Variants in MPND observed in about 807,000 individuals in gnomAD.
MPND encodes MPN domain containing, also known as MPN domain-containing protein.
A neutral mutation model predicts 59.2 loss-of-function variants in MPND; 56 were observed. That is an observed-to-expected ratio of 0.95 (90% CI 0.76 to 1.18). MPND has a LOEUF of 1.18. Ranked by LOEUF, MPND falls within the 50% of genes most tolerant of loss-of-function variation. The pLI is 0.00. For synonymous variants in MPND, 323 were observed against 291.9 expected, an observed-to-expected ratio of 1.11 and a Z score of -1.09; for missense variants, 671 against 676.0, an observed-to-expected ratio of 0.99 and a Z score of 0.08.
chr19:4,353,578 T>C (rs1972368603), intron 4 of MPND, among the ~76,000 whole-genome samples: 1 of 138,430 alleles, frequency 7.2e-6, no homozygotes, highest in Non-Finnish European at 1.6e-5. Flanking sequence ...TTTTGTTTTT[T>C]TGAGACAGGG....
At chr19:4,356,592 A>G (rs1972442759) in intron 8 of MPND, 1 of 151,960 alleles carries the variant, frequency 6.6e-6, no homozygotes, top group Non-Finnish European at 1.5e-5. Flanking sequence ...GCTCAGTGCC[A>G]GGCCTCATCT....
chr19:4,347,782 C>A, intron 3 of MPND: 1 of 489,684 alleles, frequency 2.0e-6, no homozygotes, highest in Non-Finnish European at 3.8e-6. Context: ...GCAAAAAAAC[C>A]CTTGACCCTT....
chr19:4,358,209 A>G (rs1225660533), intron 11 of MPND, 37 bp downstream of exon 11: 1 of 1,520,370 alleles, frequency 6.6e-7, no homozygotes, highest in South Asian at 1.2e-5. Context: ...AGGGGCTGGC[A>G]GTGCGCAGCT....
chr19:4,354,673 C>G (rs915102003), intron 6 of MPND: 23 of 591,264 alleles, frequency 3.9e-5, no homozygotes, highest in Non-Finnish European at 5.7e-5. Flanking sequence ...CGAGACAAGC[C>G]TGGGTAACAC....
At chr19:4,345,633 TG>T in intron 2 of MPND, 111 bp from the exon 3 acceptor site, 1 of 985,678 alleles carries the variant, frequency 1.0e-6, no homozygotes, top group Non-Finnish European at 1.5e-6. Flanking sequence ...GAGGTGTTCC[TG>T]GAAGCCCTGT....
At chr19:4,352,837 G>GGA (rs1338932745) in intron 3 of MPND, 60 bp from the exon 4 acceptor site, 81 of 1,276,582 alleles carry the variant, frequency 6.3e-5, no homozygotes, top group East Asian at 6.1e-5. Context: ...GATTTAGCAG[G>GGA]GAGCGGGGGG....
rs774616006 is a variant in MPND, at chr19:4,355,161, C to T, written c.984C>T (p.Ala328=). 1.9e-5 allele frequency: 30 copies of T among 1,612,950 alleles called. No individual in the cohort carries two copies. Among genetic ancestry groups the T allele is most frequent in the Middle Eastern group, 1.9e-4 (1 of 5,304 alleles). The change falls in exon 8 of 13, where the codon GCC becomes GCT. Residue 328 remains alanine (A), a synonymous_variant. Transcript: ENST00000599840. ...TCGGGGACGCAGAGACTGCAGCTGC[C>T]ATCGAAGAGGAGGTGAGGGGCTACC... The part of the protein sequence containing the change: ...SRLGDAETAA[A]IEEEIYQSLF...
intron 2 of MPND, among the ~76,000 whole-genome samples, chr19:4,344,445 T>C (rs893882380): frequency 3.9e-5 from 6 of 152,210 alleles, no homozygotes; most frequent in Non-Finnish European, 8.8e-5. Context: ...GAGCTCTTTT[T>C]ACGGGACAAG....
rs145362378 is a variant in MPND at position 4,344,264 on chromosome 19, C to T, written c.294+270C>T. On this transcript the variant is annotated intron_variant, in intron 2 of 12. Coordinates refer to ENST00000599840, the MANE Select transcript of MPND (RefSeq NM_001300862.2). Reference sequence around the variant, plus strand: ...AGAGCCCCGACATGAAGAGGGGAGACTGAGGCCCGGAGCTCCCTTGGCGGC... The same window carrying T: ...AGAGCCCCGACATGAAGAGGGGAGATTGAGGCCCGGAGCTCCCTTGGCGGC... Among the ~76,000 whole-genome samples, 713 of 150,818 alleles carry T rather than the reference C, an allele frequency of 4.7e-3. 4 individuals are homozygous for T. Among genetic ancestry groups the T allele is most frequent in the Middle Eastern group, 0.021 (6 of 284 alleles).
chr19:4,344,893 C>G (rs1315532584), intron 2 of MPND, among the ~76,000 whole-genome samples: 1 of 150,152 alleles, frequency 6.7e-6, no homozygotes, highest in Non-Finnish European at 1.5e-5. Context: ...TGCGCCACCA[C>G]GCCTGGCTAA....
intron 5 of MPND, 97 bp downstream of exon 5, chr19:4,354,226 C>G (rs1972382825): frequency 4.7e-6 from 7 of 1,491,398 alleles, no homozygotes; most frequent in Middle Eastern, 1.8e-4. Flanking sequence ...GGGACAGAGC[C>G]TCAGATCCTC....
Position 4,343,904 on chromosome 19 carries a change from C to G in MPND, c.204C>G (p.Gly68=). ...AGAGGCGGPG[G]ALTRRAVTLR... ...CGGGGGGCTGCGGCGGGCCCGGGGGCGCGCTCACCAGGCGCGCGGTCACAC... is the reference window on the plus strand; with the variant it reads ...CGGGGGGCTGCGGCGGGCCCGGGGGGGCGCTCACCAGGCGCGCGGTCACAC... The change falls in exon 2 of 13, where the codon GGC becomes GGG. Residue 68 remains glycine, a synonymous_variant. Transcript: ENST00000599840. 2 of 1,263,496 alleles carry G rather than the reference C, an allele frequency of 1.6e-6. No homozygotes were observed. The highest frequency in any genetic ancestry group is 2.0e-6 in the Non-Finnish European group (2 of 1,009,426). 78.3% of individuals were successfully genotyped at this position (1,263,496 alleles called of 1,614,324 possible).
At chr19:4,346,826 TCCAGACCAG>T (rs1332705390) in intron 3 of MPND, among the ~76,000 whole-genome samples, 1 of 148,532 alleles carries the variant, frequency 6.7e-6, no homozygotes, top group African/African-American at 2.5e-5. Context: ...GGTCAAGAGA[TCCAGACCAG>T]CCTGGCCAAC....
intron 3 of MPND, chr19:4,349,073 T>C (rs115724127): frequency 0.011 from 2,275 of 201,678 alleles, 60 homozygotes; most frequent in African/African-American, 0.05. Context: ...ACAAAAGATA[T>C]AATTCTGTTT....
In MPND at chr19:4,357,389, A is replaced by C; in HGVS notation, c.1133A>C (p.Asn378Thr). Residue 378 changes from asparagine (N) to threonine (T), a missense_variant, in exon 9 of 13, where the codon AAT (asparagine) becomes ACT (threonine). Physicochemically the swap from Asn to Thr is moderately conservative, Grantham distance 65 (BLOSUM62 0). Transcript: ENST00000599840. ...CAGCTGCGGCTGCAGGGCTCCAGCA[A>C]TGGCTTCCAGCCCTGCCTCGCCCTG... ...DYQLRLQGSS[N>T]GFQPCLALLC... 3 of 1,612,934 alleles carry C rather than the reference A, an allele frequency of 1.9e-6. No individual in the cohort carries two copies. The highest frequency in any genetic ancestry group is 2.5e-6 in the Non-Finnish European group (3 of 1,179,930).
At chr19:4,355,750 T>A (rs1337084361) in intron 8 of MPND, among the ~76,000 whole-genome samples, 1 of 150,920 alleles carries the variant, frequency 6.6e-6, no homozygotes, top group African/African-American at 2.5e-5. Flanking sequence ...ATTACAGGGG[T>A]GAGCCACCGT....
chr19:4,344,423 C>T (rs1178658458), intron 2 of MPND, among the ~76,000 whole-genome samples: 2 of 149,766 alleles, frequency 1.3e-5, no homozygotes, highest in Non-Finnish European at 3.0e-5. Flanking sequence ...GTGGAGGGGA[C>T]ACTGAGGCCC....
At position 4,343,872 on chromosome 19, in the gene MPND, GCCGGGGCGGGGGGCTGCGGCGGGC is replaced by G. The variant is rs1345645730; in HGVS notation, c.179_202del (p.Ala60_Gly67del). The G allele has an allele frequency of 1.6e-6, 2 of 1,221,434 alleles. No homozygotes were observed. The highest frequency in any genetic ancestry group is 4.0e-5 in the South Asian group (1 of 24,700). 75.7% of individuals were successfully genotyped at this position (1,221,434 alleles called of 1,614,324 possible). On this transcript the variant is annotated inframe_deletion, in exon 2 of 13. Transcript: ENST00000599840. ...CAGCGGAGGAGGCGGCGGCGGCGGG[GCCGGGGCGGGGGGCTGCGGCGGGC>G]CCGGGGGCGCGCTCACCAGGCGCGC...
chr19:4,353,092 T>C, intron 4 of MPND, 63 bp downstream of exon 4: 1 of 1,264,018 alleles, frequency 7.9e-7, no homozygotes, highest in Non-Finnish European at 1.0e-6. Context: ...GGGAGGAGAC[T>C]GGGGAGAGGT....
Sources: allele counts gnomAD v4.1 joint callset (sites outside exome capture counted in the v4.1 genomes callset), GRCh38; gene constraint gnomAD v4.1.1; transcripts MANE v1.5; gene names NCBI Gene and HGNC (gene_info 2026-07-23, HGNC 2026-07-21).